Variants in VKORC1L1 observed in about 807,000 individuals in gnomAD.
VKORC1L1 encodes the protein vitamin K epoxide reductase complex subunit 1L1.
A neutral mutation model predicts 18.9 loss-of-function variants in VKORC1L1; 2 were observed. That is an observed-to-expected ratio of 0.11 (90% CI 0.04 to 0.33). The LOEUF is 0.33. Ranked by LOEUF, VKORC1L1 falls within the 10% of genes least tolerant of loss-of-function variation. The pLI, the probability that VKORC1L1 is intolerant of heterozygous loss-of-function variation, is 1.00. For missense variants in VKORC1L1, 123 were observed against 224.1 expected, an observed-to-expected ratio of 0.55 and a Z score of 2.88; for synonymous variants, 96 against 100.0, an observed-to-expected ratio of 0.96 and a Z score of 0.24.
At chr7:65,878,501 C>G (rs2116325489) in intron 1 of VKORC1L1, among the ~76,000 whole-genome samples, 1 of 152,066 alleles carries the variant, frequency 6.6e-6, no homozygotes, top group South Asian at 2.1e-4. Flanking sequence ...TTGTCTGAGA[C>G]TCAGAGGTTA....
At chr7:65,929,359 C>T (rs1194029048) in intron 1 of VKORC1L1, among the ~76,000 whole-genome samples, 1 of 152,050 alleles carries the variant, frequency 6.6e-6, no homozygotes, top group Non-Finnish European at 1.5e-5. Flanking sequence ...TTGCAGTGAG[C>T]CGAGATCGCG....
chr7:65,884,367 G>A (rs1788978234), intron 1 of VKORC1L1, among the ~76,000 whole-genome samples: 1 of 152,100 alleles, frequency 6.6e-6, no homozygotes, highest in South Asian at 2.1e-4. Flanking sequence ...GTCACAGCAG[G>A]GCACGGTGGC....
In VKORC1L1 at chr7:65,896,888, A is replaced by G. The variant is rs370934455; in HGVS notation, c.194+23323A>G. 7.2e-5 allele frequency among the ~76,000 whole-genome samples: 11 copies of G among 152,270 alleles called. No homozygotes were observed. In the East Asian group the frequency reaches 1.2e-3, roughly 16 times the overall value. ...GTGGCACATGCCTGTAATCCCAGCT[A>G]CTTGGGATGCTGAGGCAAGAGGATT... On this transcript the variant is annotated intron_variant, in intron 1 of 2. Transcript: ENST00000360768.
At chr7:65,884,976 G>A (rs538234925) in intron 1 of VKORC1L1, among the ~76,000 whole-genome samples, 19 of 152,144 alleles carry the variant, frequency 1.2e-4, no homozygotes, top group African/African-American at 4.6e-4. Flanking sequence ...TAGTACAAAG[G>A]TTTTTTCAAG....
At chr7:65,919,875 G>T (rs1490317475) in intron 1 of VKORC1L1, among the ~76,000 whole-genome samples, 1 of 152,166 alleles carries the variant, frequency 6.6e-6, no homozygotes, top group African/African-American at 2.4e-5. Flanking sequence ...GGCTGACACA[G>T]TGAAACTCTG....
At chr7:65,889,946 TTC>T (rs1205496023) in intron 1 of VKORC1L1, among the ~76,000 whole-genome samples, 1 of 148,982 alleles carries the variant, frequency 6.7e-6, no homozygotes, top group African/African-American at 2.5e-5. Context: ...GATATATTCA[TTC>T]TCTCTCTTTT....
intron 1 of VKORC1L1, among the ~76,000 whole-genome samples, chr7:65,880,827 G>A (rs192015441): frequency 3.3e-5 from 5 of 152,278 alleles, no homozygotes; most frequent in South Asian, 4.2e-4. Context: ...AAAACCAGGC[G>A]TTCTTATAAA....
Position 65,890,124 on chromosome 7 carries a change from ATT to A in VKORC1L1, c.194+16582_194+16583del, listed in dbSNP as rs35228954. ...AGGTGCACACCACCACACCTGGGTA[ATT>A]TTTTTTTTTTTTTTTTTTTTTTGAG... On this transcript the variant is annotated intron_variant, in intron 1 of 2. Transcript: ENST00000360768. 1.3e-3 allele frequency among the ~76,000 whole-genome samples: 121 copies of A among 90,456 alleles called. 1 individual carries two copies. Among genetic ancestry groups the A allele is most frequent in the South Asian group, 0.012 (28 of 2,314 alleles). The allele number at this position is 90,456 out of a possible 152,430, so 59.3% of individuals were successfully genotyped here.
At chr7:65,899,864 G>C (rs1490394441) in intron 1 of VKORC1L1, among the ~76,000 whole-genome samples, 1 of 152,128 alleles carries the variant, frequency 6.6e-6, no homozygotes, top group African/African-American at 2.4e-5. Context: ...GCCAGGCGTG[G>C]TGGTACATGC....
In VKORC1L1 at chr7:65,957,860, G is replaced by T. The variant is rs1027427830; in HGVS notation, c.*3560G>T. The T allele has an allele frequency of 3.0e-5, 4 of 133,856 alleles. No individual in the cohort carries two copies. Among genetic ancestry groups the T allele is most frequent in the Admixed American group, 2.1e-4 (3 of 13,984 alleles). 8.3% of individuals were successfully genotyped at this position (133,856 alleles called of 1,614,324 possible). ...AAAAAAATAAAAATAAAAACTATTT[G>T]TTGACTTTTGTTTTTCATTTAGTTT... On this transcript the variant is annotated 3_prime_UTR_variant, in exon 3 of 3. Coordinates refer to ENST00000360768, the MANE Select transcript of VKORC1L1 (RefSeq NM_173517.6).
At chr7:65,918,541 A>G (rs1013368717) in intron 1 of VKORC1L1, among the ~76,000 whole-genome samples, 1 of 152,188 alleles carries the variant, frequency 6.6e-6, no homozygotes, top group African/African-American at 2.4e-5. Context: ...AGAGAAATGA[A>G]TGGTTGGGAT....
At chr7:65,920,377 A>T (rs1427691752) in intron 1 of VKORC1L1, among the ~76,000 whole-genome samples, 1 of 152,168 alleles carries the variant, frequency 6.6e-6, no homozygotes, top group Non-Finnish European at 1.5e-5. Context: ...TATTTTTTAA[A>T]TAAATGTTTG....
In VKORC1L1 at chr7:65,954,345, C is replaced by A; in HGVS notation, c.*45C>A. 6.2e-7 allele frequency: 1 copy of A among 1,602,730 alleles called. No homozygotes were observed. The highest frequency in any genetic ancestry group is 8.5e-7 in the Non-Finnish European group (1 of 1,175,054). ...TAACAGTCTCAAGCCCCTTTCCATT[C>A]AGTTTATTTTGCAGCAGGTTTTTAT... On this transcript the variant is annotated 3_prime_UTR_variant, in exon 3 of 3. Transcript: ENST00000360768.
Position 65,954,203 on chromosome 7 carries a change from C to G in VKORC1L1, c.434C>G (p.Thr145Arg). 1 of 1,614,142 alleles carries G rather than the reference C, an allele frequency of 6.2e-7. No individual in the cohort carries two copies. The change falls in exon 3 of 3, where the codon ACG becomes AGG. Residue 145 changes from threonine to arginine, a missense_variant. Coordinates refer to ENST00000360768, the MANE Select transcript of VKORC1L1 (RefSeq NM_173517.6). ...LKEFCIICIV[T>R]YVLNFLLLII... The stretch of plus-strand genomic sequence containing the variant: ...GAGTTCTGCATCATCTGCATCGTCA[C>G]GTACGTGCTGAACTTCCTTCTTCTC...
intron 1 of VKORC1L1, among the ~76,000 whole-genome samples, chr7:65,927,683 C>T (rs1159773218): frequency 1.3e-5 from 2 of 152,152 alleles, no homozygotes; most frequent in South Asian, 4.1e-4. Flanking sequence ...TCCCAGACTT[C>T]GCCTATTGGT....
intron 1 of VKORC1L1, among the ~76,000 whole-genome samples, chr7:65,878,801 G>A (rs1264351385): frequency 2.0e-5 from 3 of 152,134 alleles, no homozygotes; most frequent in Non-Finnish European, 4.4e-5. Flanking sequence ...AGCTACTTGA[G>A]AGGGGCTGAG....
At chr7:65,948,968 G>A (rs1455255193) in intron 2 of VKORC1L1, among the ~76,000 whole-genome samples, 188 bp downstream of exon 2, 33 of 152,226 alleles carry the variant, frequency 2.2e-4, no homozygotes, top group Non-Finnish European at 3.7e-4. Context: ...TATGTCAATT[G>A]CTGTTTAATC....
rs1395751855 is a variant in VKORC1L1, at chr7:65,958,847, C to T, written c.*4547C>T. The T allele has an allele frequency of 6.6e-6, 1 of 152,202 alleles. No homozygotes were observed. Among genetic ancestry groups the T allele is most frequent in the Non-Finnish European group, 1.5e-5 (1 of 68,044 alleles). The allele number at this position is 152,202 out of a possible 1,614,324, so 9.4% of individuals were successfully genotyped here. On this transcript the variant is annotated 3_prime_UTR_variant, in exon 3 of 3. Coordinates refer to ENST00000360768, the MANE Select transcript of VKORC1L1 (RefSeq NM_173517.6). The stretch of plus-strand genomic sequence containing the variant: ...TGAACACTCAGAATGTATTAATGAG[C>T]TGTTTTTCCATAGTTTTACTTTAGC...
intron 1 of VKORC1L1, among the ~76,000 whole-genome samples, chr7:65,919,564 C>G (rs1211116615): frequency 6.6e-6 from 1 of 152,138 alleles, no homozygotes; most frequent in Non-Finnish European, 1.5e-5. Flanking sequence ...CACATCCAGT[C>G]TGCGAGCAAG....
Sources: allele counts gnomAD v4.1 joint callset (sites outside exome capture counted in the v4.1 genomes callset), GRCh38; gene constraint gnomAD v4.1.1; transcripts MANE v1.5; gene names NCBI Gene and HGNC (gene_info 2026-07-23, HGNC 2026-07-21).